The following HTRA4 variants were observed in gnomAD, a reference collection of about 807,000 sequenced individuals.
HTRA4 encodes serine protease HTRA4.
Under a neutral mutation model 49.1 loss-of-function variants are expected in HTRA4, and 46 were observed. That is an observed-to-expected ratio of 0.94 (90% CI 0.74 to 1.20). HTRA4 has a LOEUF of 1.20. Ranked by LOEUF, HTRA4 falls within the 50% of genes most tolerant of loss-of-function variation. HTRA4 has a pLI of 0.00. For missense variants in HTRA4, 602 were observed against 636.9 expected (o/e 0.95, Z 0.59); for synonymous variants, 261 against 264.0 (o/e 0.99, Z 0.11).
chr8:38,975,450 G>T (rs747279240), intron 2 of HTRA4, among the ~76,000 whole-genome samples: 42 of 152,052 alleles, frequency 2.8e-4, no homozygotes, highest in Admixed American at 1.1e-3. Flanking sequence ...TTGCTCTGTC[G>T]CCAGGGCTGA....
At chr8:38,981,069 T>TG (rs1835413733) in intron 5 of HTRA4, among the ~76,000 whole-genome samples, 2 of 93,452 alleles carry the variant, frequency 2.1e-5, no homozygotes, top group East Asian at 5.4e-4. Flanking sequence ...TTAAGTTTTT[T>TG]TTTTTTTTTT....
chr8:38,988,234 C>A lies in HTRA4; in HGVS notation c.*136C>A. On this transcript the variant is annotated 3_prime_UTR_variant, in exon 9 of 9. Coordinates refer to ENST00000302495, the MANE Select transcript of HTRA4 (RefSeq NM_153692.4). ...CAAAGAAAAATGGATGGTTATCAAC[C>A]CAAATGCCCATCAATGACAGACTGG... is the stretch of plus-strand genomic sequence containing the variant. 1 of 714,722 alleles carries A rather than the reference C, an allele frequency of 1.4e-6. No individual in the cohort carries two copies. Among genetic ancestry groups the A allele is most frequent in the Non-Finnish European group, 2.2e-6 (1 of 450,980 alleles). The allele number at this position is 714,722 out of a possible 1,614,324, so 44.3% of individuals were successfully genotyped here. A position where few individuals can be genotyped will look rare whatever the true frequency, so the allele number is the denominator to read the frequency against.
chr8:38,980,428 A>G (rs1432052609), intron 5 of HTRA4, among the ~76,000 whole-genome samples: 1 of 152,038 alleles, frequency 6.6e-6, no homozygotes, highest in East Asian at 1.9e-4. Flanking sequence ...GTTTAACACA[A>G]TCAGAAATCT....
chr8:38,985,108 G>C (rs567747331), intron 8 of HTRA4, among the ~76,000 whole-genome samples: 1 of 152,012 alleles, frequency 6.6e-6, no homozygotes, highest in Non-Finnish European at 1.5e-5. Context: ...TAAGTACTGA[G>C]AGAGGTGGCT....
chr8:38,985,543 G>C (rs181929970), intron 8 of HTRA4, among the ~76,000 whole-genome samples: 91 of 152,150 alleles, frequency 6.0e-4, no homozygotes, highest in African/African-American at 2.1e-3. Flanking sequence ...ACTTTCACTG[G>C]GGCTTTCCCC....
rs754234118 is a variant in HTRA4, at chr8:38,988,122, A to G, written c.*24A>G. The G allele has an allele frequency of 3.4e-6, 5 of 1,472,512 alleles. No individual in the cohort carries two copies. Among genetic ancestry groups the G allele is most frequent in the Non-Finnish European group, 4.5e-6 (5 of 1,116,936 alleles). 91.2% of individuals were successfully genotyped at this position (1,472,512 alleles called of 1,614,324 possible). On this transcript the variant is annotated 3_prime_UTR_variant, in exon 9 of 9. Transcript: ENST00000302495. ...AAATATCTTGTTTTAAAGTGGGATT[A>G]TCTAAAAAAAAAAAAACCAGTTATA...
intron 5 of HTRA4, among the ~76,000 whole-genome samples, chr8:38,980,593 C>CT (rs1835406319): frequency 6.7e-6 from 1 of 148,324 alleles, no homozygotes; most frequent in Non-Finnish European, 1.5e-5. Flanking sequence ...AAAAAATTAA[C>CT]TGGGCATGGT....
At chr8:38,987,491 A>G (rs28372047) in intron 8 of HTRA4, among the ~76,000 whole-genome samples, 55,681 of 140,478 alleles carry the variant, frequency 0.4, 12,048 homozygotes, top group East Asian at 0.75. Flanking sequence ...GTGGGGTGGG[A>G]AAGACAGGCA....
Position 38,979,237 on chromosome 8 carries a change from T to C in HTRA4, c.989T>C (p.Leu330Pro), listed in dbSNP as rs752797930. ...TINYGNSGGP[L>P]VNLDGDVIGV... ...TAGTATGGGAATTCTGGTGGTCCTC[T>C]GGTGAACTTGGTAAGTGATCACTTT... The change falls in exon 5 of 9, where the codon CTG becomes CCG. Residue 330 changes from leucine (L) to proline (P), a missense_variant. Physicochemically the swap from Leu to Pro is moderately conservative, Grantham distance 98. Transcript: ENST00000302495. The C allele has an allele frequency of 3.1e-6, 5 of 1,613,174 alleles. No individual in the cohort carries two copies. The East Asian group carries it at 1.1e-4, about 36-fold the overall frequency.
intron 5 of HTRA4, among the ~76,000 whole-genome samples, chr8:38,980,531 C>T (rs1357126626): frequency 1.3e-5 from 2 of 150,186 alleles, no homozygotes; most frequent in Non-Finnish European, 3.0e-5. Context: ...AGTTCAAAAC[C>T]AGCCTGGCCA....
Position 38,988,581 on chromosome 8 carries a change from G to C in HTRA4, c.*483G>C, listed in dbSNP as rs1405103755. 1 of 152,194 alleles carries C rather than the reference G, an allele frequency of 6.6e-6. No individual in the cohort carries two copies. The highest frequency in any genetic ancestry group is 2.4e-5 in the African/African-American group (1 of 41,416). The allele number at this position is 152,194 out of a possible 1,614,324, so 9.4% of individuals were successfully genotyped here. A position where few individuals can be genotyped will look rare whatever the true frequency, so the allele number is the denominator to read the frequency against. On this transcript the variant is annotated 3_prime_UTR_variant, in exon 9 of 9. Transcript: ENST00000302495. ...ATTGATAGGTGCAGCAAACCATCAT[G>C]GCACACATTTACCTATGAAACAAAC...
At chr8:38,974,847 TG>T in intron 1 of HTRA4, 118 bp downstream of exon 1, 1 of 1,171,442 alleles carries the variant, frequency 8.5e-7, no homozygotes, top group South Asian at 1.5e-5. Context: ...ATTTGCCTCC[TG>T]GATTCGACAC....
At chr8:38,981,077 T>TTTGTTG (rs1835415060) in intron 5 of HTRA4, among the ~76,000 whole-genome samples, 2 of 105,166 alleles carry the variant, frequency 1.9e-5, no homozygotes, top group Admixed American at 1.0e-4. Context: ...TTTTTTTTTT[T>TTTGTTG]TTTTTTTTTT....
Position 38,977,992 on chromosome 8 carries a change from C to T in HTRA4, c.811C>T (p.Leu271Phe). 1 of 1,614,140 alleles carries T rather than the reference C, an allele frequency of 6.2e-7. No individual in the cohort carries two copies. Among genetic ancestry groups the T allele is most frequent in the South Asian group, 1.1e-5 (1 of 91,072 alleles). The change falls in exon 4 of 9, where the codon CTT (leucine) becomes TTT (phenylalanine). Residue 271 changes from leucine (L) to phenylalanine (F), a missense_variant. Transcript: ENST00000302495. ...PVLMLGRSSD[L>F]RAGEFVVALG... The stretch of plus-strand genomic sequence containing the variant: ...ACTGATGCTGGGAAGATCATCTGAC[C>T]TTCGGGCTGGAGAGTTTGTGGTGGC...
intron 8 of HTRA4, among the ~76,000 whole-genome samples, chr8:38,987,677 G>A (rs1385833577): frequency 6.6e-6 from 1 of 152,158 alleles, no homozygotes; most frequent in Non-Finnish European, 1.5e-5. Context: ...TCCCCAAAAT[G>A]GGAGGAGTAA....
chr8:38,980,573 C>A (rs368689624), intron 5 of HTRA4, among the ~76,000 whole-genome samples: 35 of 137,754 alleles, frequency 2.5e-4, no homozygotes, highest in South Asian at 4.7e-4. Context: ...ACCTAACATA[C>A]AAAAAAAAAA....
intron 8 of HTRA4, among the ~76,000 whole-genome samples, chr8:38,986,145 A>T (rs1010515758): frequency 5.9e-5 from 9 of 152,172 alleles, no homozygotes; most frequent in Non-Finnish European, 1.0e-4. Context: ...TGGGTAAGAG[A>T]GTGAGAACCT....
At chr8:38,980,565 C>G (rs1588292826) in intron 5 of HTRA4, among the ~76,000 whole-genome samples, 4 of 129,996 alleles carry the variant, frequency 3.1e-5, no homozygotes, top group African/African-American at 1.2e-4. Flanking sequence ...CCATCTCTAC[C>G]TAACATACAA....
At chr8:38,975,436 G>A (rs1257445569) in intron 2 of HTRA4, among the ~76,000 whole-genome samples, 1 of 152,066 alleles carries the variant, frequency 6.6e-6, no homozygotes, top group Non-Finnish European at 1.5e-5. Context: ...TTTGAGACAA[G>A]GTCTTGCTCT....
Sources: gnomAD v4.1 joint callset for allele counts (sites outside exome capture counted in the v4.1 genomes callset) on GRCh38, gnomAD v4.1.1 for gene constraint, MANE v1.5 for transcripts, NCBI Gene and HGNC (gene_info 2026-07-23, HGNC 2026-07-21) for gene names.